The following WARS1 variants were observed in gnomAD, a reference collection of about 807,000 sequenced individuals.
WARS1 encodes the protein tryptophanyl-tRNA synthetase 1, also known as tryptophan--tRNA ligase, cytoplasmic.
In WARS1, 17 loss-of-function variants were observed where a neutral mutation model predicts 47.8. The observed-to-expected ratio is 0.36, with a 90% CI of 0.24 to 0.53. The LOEUF is 0.53. Among genes scored for constraint, WARS1 ranks in the 20% least tolerant of loss-of-function variants. The pLI is 0.91. For missense variants in WARS1, 434 were observed against 608.0 expected (o/e 0.71, Z 3.01); for synonymous variants, 208 against 228.1 (o/e 0.91, Z 0.79).
chr14:100,334,994 C>T lies in WARS1; in HGVS notation c.1297G>A (p.Ala433Thr), dbSNP rs72713916. The T allele has an allele frequency of 1.7e-4, 268 of 1,614,108 alleles. No individual in the cohort carries two copies. The highest frequency in any genetic ancestry group is 2.1e-4 in the Non-Finnish European group (244 of 1,180,002). Residue 433 changes from alanine (A) to threonine (T), a missense_variant, in exon 11 of 11, where the codon GCA becomes ACA. This residue lies in a region of WARS1 where 347 missense variants were observed against 523.8 expected (regional missense o/e 0.66). Coordinates refer to ENST00000392882, the MANE Select transcript of WARS1 (RefSeq NM_004184.4). Reference sequence around the variant, plus strand: ...AAGGGCTGCAGAACCTCTATGAGTGCCTTCTTGAGCTCACCGGTGAGCATG... The same window carrying T: ...AAGGGCTGCAGAACCTCTATGAGTGTCTTCTTGAGCTCACCGGTGAGCATG... ...GAMLTGELKK[A>T]LIEVLQPLIA...
chr14:100,358,292 C>G (rs1895455348), intron 4 of WARS1, among the ~76,000 whole-genome samples: 1 of 152,098 alleles, frequency 6.6e-6, no homozygotes, highest in East Asian at 1.9e-4. Context: ...ATCACCACAC[C>G]TGGCTAATTT....
intron 1 of WARS1, chr14:100,374,394 C>T (rs1050967487): frequency 6.6e-6 from 1 of 152,266 alleles, no homozygotes; most frequent in Non-Finnish European, 1.5e-5. Flanking sequence ...AAGGAGAAAG[C>T]TAAAAAGCCT....
chr14:100,343,209 G>A, intron 8 of WARS1, 66 bp downstream of exon 8: 1 of 1,379,502 alleles, frequency 7.2e-7, no homozygotes, highest in South Asian at 1.3e-5. Context: ...TCTCCCCGCT[G>A]AAGAGTAAGA....
chr14:100,370,320 T>A (rs1896268363), intron 1 of WARS1: 1 of 152,148 alleles, frequency 6.6e-6, no homozygotes, highest in African/African-American at 2.4e-5. Context: ...AAGAGTCAAG[T>A]TTCCTAACCT....
chr14:100,366,527 A>T (rs1896007339), intron 2 of WARS1: 1 of 502,610 alleles, frequency 2.0e-6, no homozygotes, highest in Non-Finnish European at 3.7e-6. Context: ...GATGGAAGAA[A>T]CTGAGGTTAT....
chr14:100,354,416 A>G (rs1280155152), intron 5 of WARS1, 31 bp downstream of exon 5: 2 of 1,605,132 alleles, frequency 1.2e-6, no homozygotes, highest in Admixed American at 3.5e-5. Context: ...TCACTAAGAG[A>G]GTAAGAAAAG....
chr14:100,369,423 G>A (rs1896207700), intron 1 of WARS1, among the ~76,000 whole-genome samples, 165 bp from the exon 2 acceptor site: 1 of 151,972 alleles, frequency 6.6e-6, no homozygotes, highest in Non-Finnish European at 1.5e-5. Flanking sequence ...GAAATTTGGG[G>A]CCATGAAGAA....
rs143639252 is a variant in WARS1 at position 100,346,755 on chromosome 14, C to T, written c.817G>A (p.Asp273Asn). ...GCAGTGGGCCTCTTACCAATGCAGT[C>T]GCTGTCAGTGAAGCCGAAAATGCCT... The part of the protein sequence containing the change: ...VKGIFGFTDS[D>N]CIGKISFPAI... The change falls in exon 7 of 11, where the codon GAC becomes AAC. Residue 273 changes from aspartate (D) to asparagine (N), a missense_variant. Asp to Asn is a conservative substitution (Grantham distance 23, BLOSUM62 1). Transcript: ENST00000392882. 387 of 1,613,850 alleles carry T rather than the reference C, an allele frequency of 2.4e-4. No individual in the cohort carries two copies. Among genetic ancestry groups the T allele is most frequent in the Non-Finnish European group, 3.1e-4 (360 of 1,179,802 alleles).
intron 9 of WARS1, 122 bp from the exon 10 acceptor site, chr14:100,337,324 A>ATTTTC: frequency 6.9e-7 from 1 of 1,444,218 alleles, no homozygotes; most frequent in Non-Finnish European, 9.4e-7. Context: ...GACCCGGGAA[A>ATTTTC]GGCCAAGGCG....
chr14:100,368,508 C>T, intron 2 of WARS1: 1 of 455,920 alleles, frequency 2.2e-6, no homozygotes, highest in Non-Finnish European at 4.4e-6. Context: ...AGAATATTTA[C>T]AGATATGGGG....
rs2140085908 is a variant in WARS1 at position 100,369,248 on chromosome 14, A to G, written c.-63T>C. ...TGAGGTCAGAGGATTTGTTCAGCAG[A>G]CGAGTCAAGACTGGGGTGGGGGCGG... On this transcript the variant is annotated 5_prime_UTR_variant, in exon 2 of 11. Transcript: ENST00000392882. 3.1e-6 allele frequency: 2 copies of G among 643,122 alleles called. No homozygotes were observed. Among genetic ancestry groups the G allele is most frequent in the East Asian group, 5.7e-5 (1 of 17,590 alleles). The allele number at this position is 643,122 out of a possible 1,614,324, so 39.8% of individuals were successfully genotyped here.
At chr14:100,370,653 A>G (rs1015034744) in intron 1 of WARS1, 4 of 152,208 alleles carry the variant, frequency 2.6e-5, no homozygotes, top group African/African-American at 9.7e-5. Context: ...CCTATGAAAT[A>G]GATTTGTAAT....
In WARS1 at chr14:100,337,227, C is replaced by T. The variant is rs539900924; in HGVS notation, c.1114-25G>A. The T allele has an allele frequency of 3.7e-5, 60 of 1,611,010 alleles. No individual in the cohort carries two copies. In the South Asian group the frequency reaches 4.5e-4, roughly 12 times the overall value. ...CCTGCACCAGAAGAGGACACAGACA[C>T]GCTCCTCAGTCCTGCTCATCCTGTG... On this transcript the variant is annotated intron_variant, in intron 9 of 10. Transcript: ENST00000392882.
At chr14:100,338,011 G>T (rs1474086610) in intron 9 of WARS1, among the ~76,000 whole-genome samples, 1 of 152,182 alleles carries the variant, frequency 6.6e-6, no homozygotes, top group Admixed American at 6.5e-5. Context: ...GCCCCACACA[G>T]AAAGCATAAC....
chr14:100,340,410 C>T (rs967815767), intron 9 of WARS1: 1 of 152,250 alleles, frequency 6.6e-6, no homozygotes, highest in Non-Finnish European at 1.5e-5. Context: ...TTAGATAACA[C>T]AGGCTTACTG....
At chr14:100,342,276 G>A in intron 9 of WARS1, 122 bp downstream of exon 9, 1 of 1,378,506 alleles carries the variant, frequency 7.3e-7, no homozygotes, top group Non-Finnish European at 1.0e-6. Context: ...CTGGAGTTCA[G>A]CATTGCTACG....
Position 100,369,218 on chromosome 14 carries a change from C to T in WARS1, c.-33G>A, listed in dbSNP as rs780278313. The T allele has an allele frequency of 1.3e-5, 13 of 997,260 alleles. No individual in the cohort carries two copies. Among genetic ancestry groups the T allele is most frequent in the African/African-American group, 1.2e-4 (6 of 51,216 alleles). The allele number at this position is 997,260 out of a possible 1,614,324, so 61.8% of individuals were successfully genotyped here. ...ATCTCTCAGGAACTACGTTCACAGC[C>T]GGCCTGAGGTCAGAGGATTTGTTCA... On this transcript the variant is annotated 5_prime_UTR_variant, in exon 2 of 11. Transcript: ENST00000392882.
At chr14:100,370,284 A>G (rs1295138818) in intron 1 of WARS1, 1 of 152,194 alleles carries the variant, frequency 6.6e-6, no homozygotes, top group East Asian at 1.9e-4. Flanking sequence ...ATCGCCATCA[A>G]ACCTTTCTTG....
At chr14:100,345,983 GC>G (rs1894592661) in intron 7 of WARS1, among the ~76,000 whole-genome samples, 1 of 152,256 alleles carries the variant, frequency 6.6e-6, no homozygotes. Context: ...CTCACGGAGA[GC>G]CCCGGCAGCG....
Sources: gnomAD v4.1 joint callset for allele counts (sites outside exome capture counted in the v4.1 genomes callset) on GRCh38, gnomAD v4.1.1 for gene constraint, gnomAD v4.1.1 regional missense constraint, MANE v1.5 for transcripts, NCBI Gene and HGNC (gene_info 2026-07-23, HGNC 2026-07-21) for gene names.